KMT2C: variants seen among roughly 807,000 people sequenced by gnomAD.
KMT2C encodes the protein lysine methyltransferase 2C.
In KMT2C, 88 loss-of-function variants were observed where a neutral mutation model predicts 507.9. The ratio of observed to expected loss-of-function variants is 0.17; its 90% CI spans 0.15 to 0.21. The LOEUF is 0.21. Among genes scored for constraint, KMT2C ranks in the 10% least tolerant of loss-of-function variants. KMT2C has a pLI of 1.00. For missense variants in KMT2C, 4,954 were observed against 5,957.8 expected, an observed-to-expected ratio of 0.83 and a Z score of 5.55; for synonymous variants, 2,049 against 2,080.8, an observed-to-expected ratio of 0.98 and a Z score of 0.42.
At chr7:152,427,008 T>TTTTTGTTTTG (rs910300642) in intron 1 of KMT2C, among the ~76,000 whole-genome samples, 2 of 151,394 alleles carry the variant, frequency 1.3e-5, no homozygotes, top group African/African-American at 4.8e-5. Context: ...CCAGAGTTTT[T>TTTTTGTTTTG]TTTTGTTTTG....
rs80206898 is a variant in KMT2C at position 152,258,540 on chromosome 7, T to G, written c.1299+4476A>C. On this transcript the variant is annotated intron_variant, in intron 9 of 58. Transcript: ENST00000262189. Reference sequence around the variant, plus strand: ...TGTTGCTGTTGTTGTTGTTGTTGTTTTTGAGACAGAGTCTATCTCTGTCAC... The same window carrying G: ...TGTTGCTGTTGTTGTTGTTGTTGTTGTTGAGACAGAGTCTATCTCTGTCAC... Among the ~76,000 whole-genome samples, 46 of 151,820 alleles carry G rather than the reference T, an allele frequency of 3.0e-4. No homozygotes were observed. In the East Asian group the frequency reaches 8.9e-3, roughly 29 times the overall value.
At chr7:152,343,806 C>A (rs1413089547) in intron 2 of KMT2C, among the ~76,000 whole-genome samples, 4 of 152,054 alleles carry the variant, frequency 2.6e-5, no homozygotes, top group Admixed American at 1.3e-4. Context: ...CTGTACCCTG[C>A]AAAATTATCC....
At chr7:152,201,615 A>AT (rs1207311740) in intron 26 of KMT2C, among the ~76,000 whole-genome samples, 56 of 129,740 alleles carry the variant, frequency 4.3e-4, no homozygotes, top group Admixed American at 9.9e-4. Context: ...AACAACAAAG[A>AT]TGAAAAAAAA....
intron 5 of KMT2C, among the ~76,000 whole-genome samples, chr7:152,310,407 C>A (rs1440560043): frequency 6.6e-6 from 1 of 152,078 alleles, no homozygotes; most frequent in Non-Finnish European, 1.5e-5. Context: ...AAAACCCTGT[C>A]TCTACAAATT....
At chr7:152,258,723 A>G (rs962622467) in intron 9 of KMT2C, among the ~76,000 whole-genome samples, 4 of 152,010 alleles carry the variant, frequency 2.6e-5, no homozygotes, top group Non-Finnish European at 5.9e-5. Context: ...ACAGGGTTTC[A>G]CCATGTTGGC....
In KMT2C at chr7:152,169,172, A is replaced by AAAT. The variant is rs1296500394; in HGVS notation, c.9517+13_9517+14insATT. The stretch of plus-strand genomic sequence containing the variant: ...AATCCCCAGAAAACATTAACTTATT[A>AAAT]GATTTATACTTACTGACAAAGCCTG... On this transcript the variant is annotated intron_variant, in intron 41 of 58. Transcript: ENST00000262189. 1 of 1,507,248 alleles carries AAAT rather than the reference A, an allele frequency of 6.6e-7. No individual in the cohort carries two copies. Among genetic ancestry groups the AAAT allele is most frequent in the East Asian group, 2.3e-5 (1 of 44,438 alleles). The allele number at this position is 1,507,248 out of a possible 1,614,324, so 93.4% of individuals were successfully genotyped here.
chr7:152,172,651 C>T (rs1941512736), intron 39 of KMT2C, among the ~76,000 whole-genome samples: 1 of 152,148 alleles, frequency 6.6e-6, no homozygotes, highest in African/African-American at 2.4e-5. Flanking sequence ...AGCCATTGCA[C>T]TCTATCCTGG....
chr7:152,317,755 C>A (rs2096733967), intron 3 of KMT2C, among the ~76,000 whole-genome samples: 1 of 152,164 alleles, frequency 6.6e-6, no homozygotes, highest in South Asian at 2.1e-4. Context: ...ACTGCAACCC[C>A]AGTGCTTTGG....
At chr7:152,316,910 C>T (rs956927105) in intron 3 of KMT2C, among the ~76,000 whole-genome samples, 4 of 151,830 alleles carry the variant, frequency 2.6e-5, no homozygotes, top group Admixed American at 1.3e-4. Context: ...TTGCCAGTAT[C>T]TTACTATCCC....
At chr7:152,150,024 TAAA>T (rs1469840266) in intron 51 of KMT2C, among the ~76,000 whole-genome samples, 1 of 152,174 alleles carries the variant, frequency 6.6e-6, no homozygotes, top group African/African-American at 2.4e-5. Context: ...AACTACCTGT[TAAA>T]AATAAGTCTT....
intron 23 of KMT2C, among the ~76,000 whole-genome samples, chr7:152,215,848 G>A (rs1236757415): frequency 1.3e-5 from 2 of 151,968 alleles, no homozygotes; most frequent in Non-Finnish European, 2.9e-5. Flanking sequence ...GGGAAAGGGA[G>A]AGACTTCACT....
rs560320789 is a variant in KMT2C at position 152,212,790 on chromosome 7, C to G, written c.3713-5362G>C. On this transcript the variant is annotated intron_variant, in intron 23 of 58. Coordinates refer to ENST00000262189, the MANE Select transcript of KMT2C (RefSeq NM_170606.3). ...GCATGGTGGCTCACGCCTGTAATCC[C>G]AGCACTTTGGGAGGCCAAGGCGGGT... Among the ~76,000 whole-genome samples the G allele has an allele frequency of 2.1e-3, 319 of 152,358 alleles. 3 individuals carry two copies. The highest frequency in any genetic ancestry group is 0.01 in the Middle Eastern group (3 of 294).
At chr7:152,367,414 C>T (rs575247659) in intron 1 of KMT2C, 42 of 686,924 alleles carry the variant, frequency 6.1e-5, no homozygotes, top group Admixed American at 1.4e-4. Context: ...GACAGGGTCT[C>T]GCCTTATTTC....
intron 3 of KMT2C, among the ~76,000 whole-genome samples, chr7:152,326,193 T>C (rs1397729938): frequency 6.6e-6 from 1 of 152,220 alleles, no homozygotes; most frequent in Non-Finnish European, 1.5e-5. Context: ...GTCTTTTGCA[T>C]ATTCATATAA....
In KMT2C at chr7:152,180,931, G is replaced by C. The variant is rs1345684410; in HGVS notation, c.6929C>G (p.Ser2310Cys). The C allele has an allele frequency of 6.2e-7, 1 of 1,614,150 alleles. No homozygotes were observed. Among genetic ancestry groups the C allele is most frequent in the South Asian group, 1.1e-5 (1 of 91,078 alleles). The change falls in exon 36 of 59, where the codon TCT becomes TGT. Residue 2310 changes from serine (S) to cysteine (C), a missense_variant. Coordinates refer to ENST00000262189, the MANE Select transcript of KMT2C (RefSeq NM_170606.3). Reference protein sequence around the residue: ...DQSPMTPRSQSDSFGTSQTAH... With the variant: ...DQSPMTPRSQCDSFGTSQTAH... Reference sequence around the variant, plus strand: ...AGTTTGACTTGTTCCAAAAGAGTCAGACTGAGATCTTGGAGTCATTGGAGA... The same window carrying C: ...AGTTTGACTTGTTCCAAAAGAGTCACACTGAGATCTTGGAGTCATTGGAGA...
Position 152,153,002 on chromosome 7 carries a change from G to GA in KMT2C, c.12277-49dup, listed in dbSNP as rs1402833235. On this transcript the variant is annotated intron_variant, in intron 48 of 58. Coordinates refer to ENST00000262189, the MANE Select transcript of KMT2C (RefSeq NM_170606.3). ...TATTATTCACCCAGAAGGCAACAGT[G>GA]AACCACTGAAGAAAAATACACACTT... The GA allele has an allele frequency of 3.1e-6, 5 of 1,598,456 alleles. No individual in the cohort carries two copies. The Middle Eastern group carries it at 5.0e-4, about 160-fold the overall frequency.
At chr7:152,161,929 T>C (rs2092475708) in intron 43 of KMT2C, among the ~76,000 whole-genome samples, 188 bp downstream of exon 43, 1 of 152,198 alleles carries the variant, frequency 6.6e-6, no homozygotes, top group Admixed American at 6.5e-5. Context: ...AACAAATTAT[T>C]ATTTAATATA....
At chr7:152,430,143 A>C (rs2097852610) in intron 1 of KMT2C, among the ~76,000 whole-genome samples, 1 of 150,632 alleles carries the variant, frequency 6.6e-6, no homozygotes, top group South Asian at 2.1e-4. Context: ...ACGCCACTGC[A>C]CTCCAGCCTA....
chr7:152,195,436 T>G (rs1563345808), intron 28 of KMT2C: 1 of 548,444 alleles, frequency 1.8e-6, no homozygotes, highest in Non-Finnish European at 2.3e-6. Flanking sequence ...ATAAACAGCA[T>G]GCACCTACAG....
Sources: allele counts gnomAD v4.1 joint callset (sites outside exome capture counted in the v4.1 genomes callset), GRCh38; gene constraint gnomAD v4.1.1; transcripts MANE v1.5; gene names NCBI Gene and HGNC (gene_info 2026-07-23, HGNC 2026-07-21).